ABI2: variants seen among roughly 807,000 people sequenced by gnomAD.
The protein encoded by ABI2 is abl interactor 2.
ABI2 carries 25 observed loss-of-function variants against 59.2 expected under a neutral mutation model. That is an observed-to-expected ratio of 0.42 (90% confidence interval 0.31 to 0.59). The LOEUF (loss-of-function observed/expected upper bound fraction) is 0.59. ABI2 is among the 20% of genes least tolerant of loss of function. ABI2 has a pLI of 0.14. For missense variants in ABI2, 545 were observed against 681.8 expected (o/e 0.80, Z 2.23); for synonymous variants, 213 against 235.5 (o/e 0.90, Z 0.87).
intron 1 of ABI2, among the ~76,000 whole-genome samples, chr2:203,344,389 G>A (rs1424470205): frequency 1.3e-5 from 2 of 151,742 alleles, no homozygotes; most frequent in East Asian, 3.9e-4. Flanking sequence ...TTTGAGACAG[G>A]GTCTCTTGCT....
chr2:203,329,450 A>G (rs946295759), intron 1 of ABI2, among the ~76,000 whole-genome samples: 1 of 149,858 alleles, frequency 6.7e-6, no homozygotes, highest in African/African-American at 2.5e-5. Flanking sequence ...TATGAGATCC[A>G]GCTGCTCCTG....
chr2:203,415,117 C>T (rs2097839873), intron 10 of ABI2, among the ~76,000 whole-genome samples: 1 of 152,180 alleles, frequency 6.6e-6, no homozygotes, highest in African/African-American at 2.4e-5. Flanking sequence ...ATTTCTCTTT[C>T]TCACCCAAGT....
At chr2:203,357,627 T>C (rs918151936) in intron 1 of ABI2, among the ~76,000 whole-genome samples, 5 of 152,244 alleles carry the variant, frequency 3.3e-5, no homozygotes, top group Admixed American at 2.0e-4. Flanking sequence ...GCAGATGATA[T>C]AACATATTTT....
At chr2:203,360,095 G>T (rs1368911208) in intron 1 of ABI2, among the ~76,000 whole-genome samples, 1 of 145,882 alleles carries the variant, frequency 6.9e-6, no homozygotes, top group Non-Finnish European at 1.5e-5. Context: ...TGAGGCAGGA[G>T]AATCGCCTGA....
chr2:203,394,604 C>G (rs2096899018), intron 5 of ABI2, 96 bp from the exon 6 acceptor site: 1 of 1,250,162 alleles, frequency 8.0e-7, no homozygotes. Flanking sequence ...TTTCCTATCT[C>G]TGATTACAAA....
At chr2:203,358,071 T>TTGTGTGTGTGTGTGTGTG (rs71007506) in intron 1 of ABI2, among the ~76,000 whole-genome samples, 24 of 128,846 alleles carry the variant, frequency 1.9e-4, no homozygotes, top group African/African-American at 5.5e-4. Context: ...CCTGGCCTGT[T>TTGTGTGTGTGTGTGTGTG]TGTGTGTGTG....
intron 11 of ABI2, among the ~76,000 whole-genome samples, chr2:203,418,205 A>G (rs2097995003): frequency 6.6e-6 from 1 of 152,250 alleles, no homozygotes. Context: ...AAAGAGTTGA[A>G]ACAATCATAG....
At chr2:203,355,988 C>G (rs1279332458) in intron 1 of ABI2, among the ~76,000 whole-genome samples, 1 of 151,958 alleles carries the variant, frequency 6.6e-6, no homozygotes, top group Non-Finnish European at 1.5e-5. Flanking sequence ...TGTCTCCTAG[C>G]TTTTGTTGTT....
chr2:203,423,448 C>T (rs1348284935), intron 11 of ABI2, among the ~76,000 whole-genome samples: 3 of 151,926 alleles, frequency 2.0e-5, no homozygotes, highest in Admixed American at 6.6e-5. Flanking sequence ...TTTTCTGAGA[C>T]GGAGTCTCGC....
At chr2:203,366,610 A>G (rs2094472891) in intron 1 of ABI2, among the ~76,000 whole-genome samples, 1 of 152,180 alleles carries the variant, frequency 6.6e-6, no homozygotes, top group African/African-American at 2.4e-5. Context: ...CAAATTGTCC[A>G]TTGGATCTCA....
intron 4 of ABI2, among the ~76,000 whole-genome samples, chr2:203,388,300 G>A (rs865997951): frequency 5.3e-5 from 8 of 152,284 alleles, no homozygotes; most frequent in Non-Finnish European, 1.2e-4. Context: ...TTTCTTAAGT[G>A]ACTTATGTTA....
chr2:203,427,948 C>T lies in ABI2; in HGVS notation c.*596C>T, dbSNP rs1300970857. 6.6e-6 allele frequency: 1 copy of T among 152,290 alleles called. No individual in the cohort carries two copies. Among genetic ancestry groups the T allele is most frequent in the African/African-American group, 2.4e-5 (1 of 41,462 alleles). The allele number at this position is 152,290 out of a possible 1,614,324, so 9.4% of individuals were successfully genotyped here. A position where few individuals can be genotyped will look rare whatever the true frequency, so the allele number is the denominator to read the frequency against. On this transcript the variant is annotated 3_prime_UTR_variant, in exon 12 of 12. Coordinates refer to ENST00000261018, the MANE Select transcript of ABI2 (RefSeq NM_001375670.1). ...GTGCACCAAACGAGTGAATGCTGAA[C>T]TCACTTGCATCCCTTCATGTTTCTG... is the stretch of plus-strand genomic sequence containing the variant.
At chr2:203,426,862 C>G (rs755647670) in intron 11 of ABI2, among the ~76,000 whole-genome samples, 2 of 149,908 alleles carry the variant, frequency 1.3e-5, no homozygotes, top group Non-Finnish European at 3.0e-5. Context: ...TTTCTTGATT[C>G]TAGGATTGTG....
At chr2:203,346,032 G>GCA (rs147596774) in intron 1 of ABI2, among the ~76,000 whole-genome samples, 187 of 150,404 alleles carry the variant, frequency 1.2e-3, no homozygotes, top group African/African-American at 3.2e-3. Flanking sequence ...ATACACACGC[G>GCA]CACACACACA....
intron 10 of ABI2, among the ~76,000 whole-genome samples, chr2:203,415,616 C>CAAA (rs71007515): frequency 0.022 from 921 of 42,276 alleles, 53 homozygotes; most frequent in East Asian, 0.082. Flanking sequence ...GACTCCGTCT[C>CAAA]AAAAAAAAAA....
intron 1 of ABI2, among the ~76,000 whole-genome samples, chr2:203,338,975 T>A (rs1172294755): frequency 1.1e-3 from 10 of 9,502 alleles, no homozygotes; most frequent in African/African-American, 3.3e-3. Flanking sequence ...TATATATATA[T>A]ATATATAAAT....
At chr2:203,329,713 A>T (rs1450435015) in intron 1 of ABI2, among the ~76,000 whole-genome samples, 7 of 128,862 alleles carry the variant, frequency 5.4e-5, no homozygotes, top group African/African-American at 5.9e-5. Flanking sequence ...TCTTGCTCCC[A>T]CCTCCATCTC....
chr2:203,394,550 A>G (rs965137009), intron 5 of ABI2, 150 bp from the exon 6 acceptor site: 7 of 695,608 alleles, frequency 1.0e-5, no homozygotes, highest in African/African-American at 1.8e-5. Flanking sequence ...GAAGTGATAC[A>G]TTAGTAAAGA....
chr2:203,333,585 T>C (rs1268475174), intron 1 of ABI2, among the ~76,000 whole-genome samples: 1 of 152,222 alleles, frequency 6.6e-6, no homozygotes, highest in Admixed American at 6.5e-5. Flanking sequence ...TCAACTCATT[T>C]GAAATTGATC....
Sources: allele counts gnomAD v4.1 joint callset (sites outside exome capture counted in the v4.1 genomes callset), GRCh38; gene constraint gnomAD v4.1.1; transcripts MANE v1.5; gene names NCBI Gene and HGNC (gene_info 2026-07-23, HGNC 2026-07-21).